The following HDAC9 variants were observed in gnomAD, a reference collection of about 807,000 sequenced individuals.
HDAC9 encodes the protein MEF-2 interacting transcription repressor (MITR) protein.
In HDAC9, 41 loss-of-function variants were observed where a neutral mutation model predicts 139.4. The observed-to-expected ratio is 0.29, with a 90% CI of 0.23 to 0.38. The LOEUF is 0.38. Ranked by LOEUF, HDAC9 falls within the 10% of genes least tolerant of loss-of-function variation. The probability of loss-of-function intolerance (pLI) is 1.00; values close to 1 mark genes in which losing one functional copy is unlikely to be tolerated. For missense variants in HDAC9, 1,147 were observed against 1,297.0 expected (o/e 0.88, Z 1.78); for synonymous variants, 517 against 476.2 (o/e 1.09, Z -1.12).
chr7:18,814,061 G>C (rs928130865), intron 17 of HDAC9, among the ~76,000 whole-genome samples: 1 of 152,062 alleles, frequency 6.6e-6, no homozygotes, highest in East Asian at 1.9e-4. Flanking sequence ...TCAGACTGTC[G>C]GGATTTCATT....
intron 2 of HDAC9, among the ~76,000 whole-genome samples, chr7:18,197,244 C>G (rs111546598): frequency 4.8e-4 from 73 of 152,256 alleles, no homozygotes; most frequent in African/African-American, 1.6e-3. Context: ...GTCTCCCTTT[C>G]TTTCTCTCTT....
At chr7:18,433,563 G>C (rs1585866763) in intron 1 of HDAC9, among the ~76,000 whole-genome samples, 1 of 152,208 alleles carries the variant, frequency 6.6e-6, no homozygotes, top group East Asian at 1.9e-4. Flanking sequence ...AACAACTTCA[G>C]CAAAGTTTCA....
At chr7:18,635,811 A>G in intron 8 of HDAC9, among the ~76,000 whole-genome samples, 1 of 152,060 alleles carries the variant, frequency 6.6e-6, no homozygotes, top group East Asian at 1.9e-4. Flanking sequence ...CCATGTGGTT[A>G]TCCAGCCTCT....
intron 5 of HDAC9, among the ~76,000 whole-genome samples, chr7:18,593,303 C>T (rs930879161): frequency 1.3e-5 from 2 of 151,938 alleles, no homozygotes; most frequent in Non-Finnish European, 2.9e-5. Flanking sequence ...TCCAGCAGCA[C>T]AGTTGCATCT....
intron 1 of HDAC9, among the ~76,000 whole-genome samples, chr7:18,099,068 C>A (rs1164327482): frequency 6.6e-6 from 1 of 152,138 alleles, no homozygotes; most frequent in South Asian, 2.1e-4. Flanking sequence ...ATTTTAAAAT[C>A]TCCTATTTAT....
At chr7:18,585,118 C>T (rs915941352) in intron 2 of HDAC9, among the ~76,000 whole-genome samples, 163 bp from the exon 3 acceptor site, 4 of 152,316 alleles carry the variant, frequency 2.6e-5, no homozygotes, top group African/African-American at 9.6e-5. Context: ...AACTAATGTA[C>T]AAATGACTTT....
chr7:18,133,046 A>G (rs1785128722), intron 1 of HDAC9, among the ~76,000 whole-genome samples: 1 of 152,160 alleles, frequency 6.6e-6, no homozygotes, highest in South Asian at 2.1e-4. Context: ...CACCATGGAA[A>G]CAGCTGATAG....
At chr7:18,795,379 C>G (rs1202735441) in intron 17 of HDAC9, among the ~76,000 whole-genome samples, 1 of 150,722 alleles carries the variant, frequency 6.6e-6, no homozygotes, top group Non-Finnish European at 1.5e-5. Context: ...TTCTGGGGCT[C>G]AATTTCTGGT....
intron 25 of HDAC9, among the ~76,000 whole-genome samples, chr7:18,992,189 C>G (rs564361939): frequency 1.3e-5 from 2 of 152,094 alleles, no homozygotes; most frequent in Non-Finnish European, 2.9e-5. Flanking sequence ...CTTTAGAGTA[C>G]GTATACTAGG....
At chr7:18,168,929 G>A (rs536947884) in intron 2 of HDAC9, among the ~76,000 whole-genome samples, 49 of 138,530 alleles carry the variant, frequency 3.5e-4, no homozygotes, top group South Asian at 2.6e-3. Flanking sequence ...GTGTGTGTGC[G>A]CGCATGTGTC....
At chr7:18,918,018 A>G (rs935879467) in intron 22 of HDAC9, among the ~76,000 whole-genome samples, 1 of 152,036 alleles carries the variant, frequency 6.6e-6, no homozygotes, top group Non-Finnish European at 1.5e-5. Flanking sequence ...CTATTGGCCA[A>G]AGTAGTGACA....
intron 23 of HDAC9, among the ~76,000 whole-genome samples, chr7:18,941,247 C>T (rs1320093683): frequency 3.3e-5 from 5 of 151,690 alleles, no homozygotes; most frequent in Non-Finnish European, 4.4e-5. Flanking sequence ...CTTTCTCCCT[C>T]CCTCTCTCCA....
chr7:18,770,461 T>C (rs1047810572), intron 16 of HDAC9, among the ~76,000 whole-genome samples: 3 of 152,178 alleles, frequency 2.0e-5, no homozygotes, highest in Non-Finnish European at 2.9e-5. Flanking sequence ...ATCATTTTCC[T>C]GGCCATCTGA....
Position 18,744,012 on chromosome 7 carries a change from G to GTTTTTTTTTTTTTTTTTTTT in HDAC9, c.1910-4991_1910-4972dup, listed in dbSNP as rs35414332. Among the ~76,000 whole-genome samples, 12 of 110,442 alleles carry GTTTTTTTTTTTTTTTTTTTT rather than the reference G, an allele frequency of 1.1e-4. 1 individual carries two copies. The highest frequency in any genetic ancestry group is 1.1e-3 in the East Asian group (3 of 2,772). The allele number at this position is 110,442 out of a possible 152,430, so 72.5% of individuals were successfully genotyped here. A position where few individuals can be genotyped will look rare whatever the true frequency, so the allele number is the denominator to read the frequency against. On this transcript the variant is annotated intron_variant, in intron 13 of 25. Coordinates refer to ENST00000686413, the MANE Select transcript of HDAC9 (RefSeq NM_178425.4). Reference sequence around the variant, plus strand: ...TTTTTACATCTCACTTTTACTACTAGTTTTTTTTTTTTTTTTTTTTTGAGA... The same window carrying GTTTTTTTTTTTTTTTTTTTT: ...TTTTTACATCTCACTTTTACTACTAGTTTTTTTTTTTTTTTTTTTTTTTTTTTTTTTTTTTTTTTTTGAGA...
At chr7:18,722,205 C>A (rs1785197164) in intron 12 of HDAC9, among the ~76,000 whole-genome samples, 1 of 151,956 alleles carries the variant, frequency 6.6e-6, no homozygotes, top group Non-Finnish European at 1.5e-5. Context: ...AAACAAAGTC[C>A]CCAGGTGAAT....
intron 2 of HDAC9, among the ~76,000 whole-genome samples, chr7:18,247,169 T>C (rs971388061): frequency 6.6e-6 from 1 of 151,978 alleles, no homozygotes; most frequent in Non-Finnish European, 1.5e-5. Flanking sequence ...TCTGGAGTTC[T>C]AGAAAGAGTT....
chr7:18,762,807 T>C (rs1369545508), intron 15 of HDAC9, among the ~76,000 whole-genome samples: 3 of 152,172 alleles, frequency 2.0e-5, no homozygotes, highest in Non-Finnish European at 2.9e-5. Flanking sequence ...ATACATTAAA[T>C]GCAAAACTAG....
intron 1 of HDAC9, among the ~76,000 whole-genome samples, chr7:18,387,455 G>A (rs1786047878): frequency 6.6e-6 from 1 of 152,166 alleles, no homozygotes; most frequent in South Asian, 2.1e-4. Flanking sequence ...GTATTTCTCA[G>A]TCAGAAGCTT....
intron 1 of HDAC9, among the ~76,000 whole-genome samples, chr7:18,426,515 A>G (rs1358780618): frequency 6.6e-6 from 1 of 152,220 alleles, no homozygotes; most frequent in Non-Finnish European, 1.5e-5. Context: ...TTGGGTTACC[A>G]TATTTAGATC....
Sources: gnomAD v4.1 joint callset for allele counts (sites outside exome capture counted in the v4.1 genomes callset) on GRCh38, gnomAD v4.1.1 for gene constraint, MANE v1.5 for transcripts, NCBI Gene and HGNC (gene_info 2026-07-23, HGNC 2026-07-21) for gene names.